Variants in WWC1 observed in about 807,000 individuals in gnomAD.
The protein encoded by WWC1 is protein KIBRA.
WWC1 carries 55 observed loss-of-function variants against 138.4 expected under a neutral mutation model. The observed-to-expected ratio is 0.40, with a 90% CI of 0.32 to 0.50. The LOEUF (loss-of-function observed/expected upper bound fraction) is 0.50, where lower values mean the gene tolerates loss of function less well. Ranked by LOEUF, WWC1 falls within the 20% of genes least tolerant of loss-of-function variation. The probability of loss-of-function intolerance (pLI) is 0.72; values close to 1 mark genes in which losing one functional copy is unlikely to be tolerated. For synonymous variants in WWC1, 524 were observed against 564.9 expected, an observed-to-expected ratio of 0.93 and a Z score of 1.03; for missense variants, 1,226 against 1,420.4, an observed-to-expected ratio of 0.86 and a Z score of 2.20.
At position 168,469,069 on chromosome 5, in the gene WWC1, T is replaced by G; in HGVS notation, c.*52T>G. 6.2e-7 allele frequency: 1 copy of G among 1,606,284 alleles called. No homozygotes were observed. Among genetic ancestry groups the G allele is most frequent in the Non-Finnish European group, 8.5e-7 (1 of 1,172,978 alleles). ...CACTGACCAGGCTGTGAACATTGACTGTGGCTAAAGTTATTTATGTGGTGT... is the reference window on the plus strand; with the variant it reads ...CACTGACCAGGCTGTGAACATTGACGGTGGCTAAAGTTATTTATGTGGTGT... On this transcript the variant is annotated 3_prime_UTR_variant, in exon 23 of 23. Transcript: ENST00000265293.
chr5:168,291,973 G>A lies in WWC1; in HGVS notation c.-180G>A. 1 of 572,792 alleles carries A rather than the reference G, an allele frequency of 1.7e-6. No individual in the cohort carries two copies. The highest frequency in any genetic ancestry group is 4.1e-5 in the East Asian group (1 of 24,352). The allele number at this position is 572,792 out of a possible 1,614,324, so 35.5% of individuals were successfully genotyped here. On this transcript the variant is annotated 5_prime_UTR_variant, in exon 1 of 23. Transcript: ENST00000265293. ...CGGGCGGCGCCGGGTCGGGGCTGCAGGGCCGCATGGACAGCGGCGCCACCC... is the reference window on the plus strand; with the variant it reads ...CGGGCGGCGCCGGGTCGGGGCTGCAAGGCCGCATGGACAGCGGCGCCACCC...
intron 1 of WWC1, among the ~76,000 whole-genome samples, chr5:168,354,384 G>A (rs966564490): frequency 2.0e-5 from 3 of 152,066 alleles, no homozygotes; most frequent in African/African-American, 7.2e-5. Flanking sequence ...TTTTAATATT[G>A]ATGCACTGGA....
At chr5:168,381,341 C>T (rs1185210355) in intron 2 of WWC1, among the ~76,000 whole-genome samples, 1 of 152,104 alleles carries the variant, frequency 6.6e-6, no homozygotes. Context: ...TGGGAGGGTC[C>T]ACCTAGGTGT....
intron 7 of WWC1, among the ~76,000 whole-genome samples, 187 bp downstream of exon 7, chr5:168,408,840 T>G (rs1276639180): frequency 6.6e-6 from 1 of 152,102 alleles, no homozygotes; most frequent in Non-Finnish European, 1.5e-5. Context: ...GAGGATATGA[T>G]GTGATGCTGT....
At chr5:168,357,321 C>T (rs1775506267) in intron 1 of WWC1, among the ~76,000 whole-genome samples, 2 of 151,170 alleles carry the variant, frequency 1.3e-5, no homozygotes, top group African/African-American at 4.9e-5. Context: ...CACACACACA[C>T]ACACACACAC....
intron 5 of WWC1, among the ~76,000 whole-genome samples, chr5:168,400,575 T>C (rs1453684880): frequency 6.6e-6 from 1 of 152,224 alleles, no homozygotes; most frequent in Non-Finnish European, 1.5e-5. Flanking sequence ...ATAGCAACAC[T>C]GTAAGGAATG....
At chr5:168,448,337 C>T (rs943707552) in intron 17 of WWC1, among the ~76,000 whole-genome samples, 1 of 152,230 alleles carries the variant, frequency 6.6e-6, no homozygotes. Context: ...CGGCGTGTCA[C>T]TGGTACTCCC....
intron 17 of WWC1, among the ~76,000 whole-genome samples, chr5:168,449,547 G>C (rs1755601801): frequency 6.8e-6 from 1 of 147,364 alleles, no homozygotes; most frequent in South Asian, 2.2e-4. Context: ...CTGTCTCCCT[G>C]TGTGTTCACA....
chr5:168,387,771 T>C (rs1442092373), intron 3 of WWC1, among the ~76,000 whole-genome samples: 1 of 152,136 alleles, frequency 6.6e-6, no homozygotes, highest in East Asian at 1.9e-4. Context: ...ATACTATCAC[T>C]TTGGGGATTA....
At chr5:168,317,227 G>T (rs1033791850) in intron 1 of WWC1, among the ~76,000 whole-genome samples, 1 of 152,170 alleles carries the variant, frequency 6.6e-6, no homozygotes, top group African/African-American at 2.4e-5. Flanking sequence ...TGCCAGTGCT[G>T]CATTGTCTCA....
intron 1 of WWC1, among the ~76,000 whole-genome samples, chr5:168,336,289 G>A (rs557013835): frequency 1.2e-4 from 18 of 152,190 alleles, no homozygotes; most frequent in Non-Finnish European, 1.5e-4. Context: ...AACAATACCC[G>A]GCCAGCCACG....
chr5:168,328,833 C>T (rs1466327899), intron 1 of WWC1, among the ~76,000 whole-genome samples: 1 of 152,034 alleles, frequency 6.6e-6, no homozygotes, highest in Non-Finnish European at 1.5e-5. Flanking sequence ...CCGCGCCTGG[C>T]CTGTGGGGAG....
At chr5:168,316,016 C>A (rs1467112833) in intron 1 of WWC1, among the ~76,000 whole-genome samples, 3 of 152,176 alleles carry the variant, frequency 2.0e-5, no homozygotes, top group Non-Finnish European at 4.4e-5. Flanking sequence ...GTTTTCCAGT[C>A]CCAGGGCTGA....
intron 9 of WWC1, among the ~76,000 whole-genome samples, chr5:168,418,583 C>A (rs1422433191): frequency 2.0e-5 from 3 of 152,144 alleles, no homozygotes; most frequent in Non-Finnish European, 1.5e-5. Flanking sequence ...GTGGCCTCGG[C>A]ACCTGTGCAT....
At chr5:168,370,336 G>A (rs1034373253) in intron 1 of WWC1, among the ~76,000 whole-genome samples, 2 of 152,212 alleles carry the variant, frequency 1.3e-5, no homozygotes, top group African/African-American at 4.8e-5. Flanking sequence ...AGCAGCAGGG[G>A]AGCTGTTGGG....
At chr5:168,361,098 G>A (rs1311968323) in intron 1 of WWC1, among the ~76,000 whole-genome samples, 1 of 152,164 alleles carries the variant, frequency 6.6e-6, no homozygotes, top group Non-Finnish European at 1.5e-5. Context: ...ATGAATGAAT[G>A]CAAGAACCTG....
intron 16 of WWC1, among the ~76,000 whole-genome samples, chr5:168,442,266 C>T (rs1754835315): frequency 6.6e-6 from 1 of 151,920 alleles, no homozygotes; most frequent in South Asian, 2.1e-4. Flanking sequence ...GTCATATCAC[C>T]TCTCTGAGCT....
At chr5:168,327,700 A>G (rs2152763917) in intron 1 of WWC1, among the ~76,000 whole-genome samples, 1 of 152,280 alleles carries the variant, frequency 6.6e-6, no homozygotes, top group African/African-American at 2.4e-5. Flanking sequence ...GGGCTGTTTG[A>G]TTGAAGAATG....
chr5:168,347,344 G>A (rs556218480), intron 1 of WWC1, among the ~76,000 whole-genome samples: 10 of 152,274 alleles, frequency 6.6e-5, no homozygotes, highest in African/African-American at 2.2e-4. Flanking sequence ...AGCTCACCAG[G>A]CTCGCAAGGG....
Sources: allele counts gnomAD v4.1 joint callset (sites outside exome capture counted in the v4.1 genomes callset), GRCh38; gene constraint gnomAD v4.1.1; transcripts MANE v1.5; gene names NCBI Gene and HGNC (gene_info 2026-07-23, HGNC 2026-07-21).